Variants in PLD5 observed in about 807,000 individuals in gnomAD.
PLD5 encodes the protein phospholipase D family member 5, also known as inactive phospholipase D5.
A neutral mutation model predicts 61.1 loss-of-function variants in PLD5; 36 were observed. The observed-to-expected ratio is 0.59, with a 90% CI of 0.45 to 0.78. The LOEUF (loss-of-function observed/expected upper bound fraction) is 0.78, where lower values mean the gene tolerates loss of function less well. Ranked by LOEUF, PLD5 falls within the 30% of genes least tolerant of loss-of-function variation. The probability of loss-of-function intolerance (pLI) is 0.00; values close to 1 mark genes in which losing one functional copy is unlikely to be tolerated. For missense variants in PLD5, 515 were observed against 644.4 expected (o/e 0.80, Z 2.17); for synonymous variants, 243 against 242.8 (o/e 1.00, Z -0.01).
intron 5 of PLD5, among the ~76,000 whole-genome samples, chr1:242,184,487 G>A (rs1667748147): frequency 6.6e-6 from 1 of 152,140 alleles, no homozygotes; most frequent in East Asian, 1.9e-4. Flanking sequence ...TTGTGCCTCA[G>A]CCTTCCAAGT....
intron 7 of PLD5, among the ~76,000 whole-genome samples, chr1:242,108,674 C>T (rs1214894055): frequency 6.6e-6 from 1 of 152,196 alleles, no homozygotes; most frequent in Admixed American, 6.5e-5. Context: ...ATCACTCTCC[C>T]TCCCCTCGGC....
At chr1:242,241,910 T>TATATACAC (rs1210639780) in intron 4 of PLD5, among the ~76,000 whole-genome samples, 19 of 50,404 alleles carry the variant, frequency 3.8e-4, no homozygotes, top group South Asian at 7.6e-4. Flanking sequence ...TATATATATA[T>TATATACAC]ACTTACTGTA....
chr1:242,112,654 CT>C (rs1661621271), intron 7 of PLD5, among the ~76,000 whole-genome samples: 1 of 152,124 alleles, frequency 6.6e-6, no homozygotes, highest in South Asian at 2.1e-4. Flanking sequence ...CGTAAAGAAG[CT>C]ACCTACTATG....
intron 1 of PLD5, among the ~76,000 whole-genome samples, chr1:242,430,835 G>A (rs1040157140): frequency 6.6e-6 from 1 of 152,132 alleles, no homozygotes; most frequent in African/African-American, 2.4e-5. Context: ...CTCTATGCAA[G>A]CATCAGGGCT....
At chr1:242,412,325 T>G (rs1435543997) in intron 1 of PLD5, among the ~76,000 whole-genome samples, 1 of 152,144 alleles carries the variant, frequency 6.6e-6, no homozygotes, top group African/African-American at 2.4e-5. Context: ...GTCCATTCAG[T>G]TGGGGGCTTA....
intron 2 of PLD5, among the ~76,000 whole-genome samples, chr1:242,344,846 G>A (rs1201842913): frequency 6.6e-6 from 1 of 152,006 alleles, no homozygotes; most frequent in African/African-American, 2.4e-5. Context: ...ACCTGAAACT[G>A]GGAACAAAAA....
At chr1:242,268,642 G>T (rs1211931105) in intron 3 of PLD5, among the ~76,000 whole-genome samples, 1 of 152,116 alleles carries the variant, frequency 6.6e-6, no homozygotes, top group Non-Finnish European at 1.5e-5. Context: ...TCACTGTAAC[G>T]ATCTTGGGCT....
upstream of PLD5, among the ~76,000 whole-genome samples, chr1:242,526,910 T>G (rs1380931045): frequency 6.6e-6 from 1 of 152,184 alleles, no homozygotes; most frequent in Non-Finnish European, 1.5e-5. Context: ...TGCCTTTTGC[T>G]GTATGAGATT....
At chr1:242,265,767 G>A (rs1040073134) in intron 3 of PLD5, among the ~76,000 whole-genome samples, 4 of 152,194 alleles carry the variant, frequency 2.6e-5, no homozygotes, top group African/African-American at 9.7e-5. Context: ...AGGCAGCAAA[G>A]AAGATTAAGC....
At chr1:242,278,613 T>G (rs1558424115) in intron 3 of PLD5, among the ~76,000 whole-genome samples, 1 of 152,206 alleles carries the variant, frequency 6.6e-6, no homozygotes, top group African/African-American at 2.4e-5. Context: ...TAATCCTGCA[T>G]GAGCCAATTT....
intron 2 of PLD5, among the ~76,000 whole-genome samples, chr1:242,324,432 G>A (rs1448731202): frequency 1.3e-5 from 2 of 152,192 alleles, no homozygotes; most frequent in Non-Finnish European, 2.9e-5. Context: ...TGCAAAAATT[G>A]TGACAGCGAA....
intron 1 of PLD5, among the ~76,000 whole-genome samples, chr1:242,389,276 CT>C (rs1662781740): frequency 6.6e-6 from 1 of 152,028 alleles, no homozygotes; most frequent in Non-Finnish European, 1.5e-5. Context: ...TGCTAGCCCC[CT>C]GGTATACATG....
At chr1:242,350,908 T>C (rs930839588) in intron 1 of PLD5, among the ~76,000 whole-genome samples, 10 of 151,806 alleles carry the variant, frequency 6.6e-5, no homozygotes, top group African/African-American at 2.2e-4. Flanking sequence ...TTTTTTTTTT[T>C]TTTTCCTTTT....
intron 4 of PLD5, among the ~76,000 whole-genome samples, chr1:242,241,266 G>A (rs550003294): frequency 2.6e-5 from 4 of 152,094 alleles, no homozygotes; most frequent in Non-Finnish European, 5.9e-5. Context: ...AGATTGTGTA[G>A]GGTAGAAAAC....
chr1:242,096,052 G>T (rs1032949578), intron 9 of PLD5, among the ~76,000 whole-genome samples: 3 of 151,690 alleles, frequency 2.0e-5, no homozygotes, highest in Admixed American at 1.3e-4. Flanking sequence ...TCCGCCTCCC[G>T]AGTTCATGCC....
At position 242,252,684 on chromosome 1, in the gene PLD5, T is replaced by A. The variant is rs549823240; in HGVS notation, c.607+12653A>T. Among the ~76,000 whole-genome samples the A allele has an allele frequency of 3.6e-3, 551 of 152,332 alleles. 8 individuals are homozygous for A. The highest frequency in any genetic ancestry group is 0.013 in the African/African-American group (527 of 41,572). The stretch of plus-strand genomic sequence containing the variant: ...ATCAGTATTTTTAGCAACTAGCTTT[T>A]CTGTTTGGGACTGAAAAAAATAGAA... On this transcript the variant is annotated intron_variant, in intron 4 of 9. Coordinates refer to ENST00000536534, the MANE Select transcript of PLD5 (RefSeq NM_001372062.1).
At chr1:242,151,577 T>G (rs1448680729) in intron 5 of PLD5, among the ~76,000 whole-genome samples, 2 of 152,076 alleles carry the variant, frequency 1.3e-5, no homozygotes, top group African/African-American at 4.8e-5. Flanking sequence ...TTTTCCTGTT[T>G]GTCTTTGGAT....
intron 2 of PLD5, among the ~76,000 whole-genome samples, chr1:242,342,910 T>C (rs186868473): frequency 9.2e-5 from 14 of 152,138 alleles, no homozygotes; most frequent in Non-Finnish European, 1.6e-4. Context: ...TACAGTAATC[T>C]AGCAGCAAAA....
chr1:242,285,006 A>G (rs950768988), intron 3 of PLD5, among the ~76,000 whole-genome samples: 2 of 152,222 alleles, frequency 1.3e-5, no homozygotes, highest in Non-Finnish European at 2.9e-5. Context: ...GGCAGCTAAG[A>G]GGTGTCTCTT....
Sources: gnomAD v4.1 joint callset for allele counts (sites outside exome capture counted in the v4.1 genomes callset) on GRCh38, gnomAD v4.1.1 for gene constraint, MANE v1.5 for transcripts, NCBI Gene and HGNC (gene_info 2026-07-23, HGNC 2026-07-21) for gene names.